Variants in FBXL2 observed in about 807,000 individuals in gnomAD.
FBXL2 encodes F-box/LRR-repeat protein 2.
In FBXL2, 38 loss-of-function variants were observed where a neutral mutation model predicts 69.2. The ratio of observed to expected loss-of-function variants is 0.55; its 90% CI spans 0.42 to 0.72. The LOEUF is 0.72. Among genes scored for constraint, FBXL2 ranks in the 30% least tolerant of loss-of-function variants. FBXL2 has a pLI of 0.00. For synonymous variants in FBXL2, 192 were observed against 201.3 expected (o/e 0.95, Z 0.39); for missense variants, 354 against 520.3 (o/e 0.68, Z 3.11).
intron 5 of FBXL2, among the ~76,000 whole-genome samples, 170 bp downstream of exon 5, chr3:33,364,889 G>A (rs1347833698): frequency 2.6e-5 from 4 of 152,148 alleles, no homozygotes; most frequent in Non-Finnish European, 5.9e-5. Flanking sequence ...GTTGGAAACC[G>A]AGCTGTACTG....
chr3:33,407,261 A>G (rs2044451407), downstream of FBXL2, among the ~76,000 whole-genome samples: 1 of 152,232 alleles, frequency 6.6e-6, no homozygotes, highest in Admixed American at 6.5e-5. Context: ...TTTAGACTTA[A>G]GAATCATTAA....
intron 2 of FBXL2, among the ~76,000 whole-genome samples, chr3:33,354,922 T>G (rs924326233): frequency 1.3e-5 from 2 of 152,212 alleles, no homozygotes; most frequent in Non-Finnish European, 2.9e-5. Flanking sequence ...CATTATATAC[T>G]GGCAGCAATT....
intron 1 of FBXL2, among the ~76,000 whole-genome samples, chr3:33,281,259 T>C (rs1231332940): frequency 1.3e-5 from 2 of 152,120 alleles, no homozygotes; most frequent in Non-Finnish European, 2.9e-5. Context: ...GTGTTCTCAT[T>C]GTTCAATTCC....
intron 13 of FBXL2, among the ~76,000 whole-genome samples, chr3:33,381,875 G>C (rs2043089425): frequency 6.6e-6 from 1 of 152,174 alleles, no homozygotes; most frequent in Non-Finnish European, 1.5e-5. Context: ...TTCGATTCAT[G>C]AGAAAGGAAA....
downstream of FBXL2, among the ~76,000 whole-genome samples, chr3:33,404,809 A>C (rs1157002756): frequency 6.6e-6 from 1 of 152,208 alleles, no homozygotes; most frequent in East Asian, 1.9e-4. Flanking sequence ...TGTCCCTGGG[A>C]TTTTTGACAG....
chr3:33,321,311 A>G (rs973032823), intron 2 of FBXL2, among the ~76,000 whole-genome samples: 1 of 150,084 alleles, frequency 6.7e-6, no homozygotes, highest in African/African-American at 2.4e-5. Context: ...CTCCATCTCA[A>G]AAAAAAAAAG....
chr3:33,388,718 G>GA (rs1279022653), downstream of FBXL2: 2 of 152,100 alleles, frequency 1.3e-5, no homozygotes, highest in Non-Finnish European at 2.9e-5. Flanking sequence ...AGTCAGAAAG[G>GA]AAAACTCTCT....
At chr3:33,342,540 C>T (rs1347143276) in intron 2 of FBXL2, among the ~76,000 whole-genome samples, 1 of 151,290 alleles carries the variant, frequency 6.6e-6, no homozygotes, top group African/African-American at 2.4e-5. Context: ...TTAAATACGG[C>T]CATTCTGAAC....
At chr3:33,337,231 C>T (rs775302823) in intron 2 of FBXL2, among the ~76,000 whole-genome samples, 2 of 151,694 alleles carry the variant, frequency 1.3e-5, no homozygotes, top group Non-Finnish European at 2.9e-5. Context: ...ACAAAAAAAC[C>T]TTAAGATAAT....
intron 2 of FBXL2, among the ~76,000 whole-genome samples, chr3:33,318,996 G>A (rs1377678354): frequency 6.6e-6 from 1 of 152,172 alleles, no homozygotes; most frequent in African/African-American, 2.4e-5. Context: ...TGAGCAGCTA[G>A]CAGTTTCTAA....
chr3:33,378,940 C>A, intron 13 of FBXL2, 199 bp downstream of exon 13: 1 of 1,022,746 alleles, frequency 9.8e-7, no homozygotes, highest in Non-Finnish European at 1.4e-6. Flanking sequence ...TTTTAAGATT[C>A]CCAAAAGAGA....
chr3:33,307,503 C>A (rs371565423), intron 2 of FBXL2, among the ~76,000 whole-genome samples: 2 of 151,896 alleles, frequency 1.3e-5, no homozygotes, highest in African/African-American at 4.8e-5. Flanking sequence ...ATTAATGGGA[C>A]AGTTGGCAGA....
intron 2 of FBXL2, among the ~76,000 whole-genome samples, chr3:33,329,979 G>T (rs2039023929): frequency 6.6e-6 from 1 of 151,168 alleles, no homozygotes; most frequent in African/African-American, 2.4e-5. Context: ...CCTGTTTTTT[G>T]TTTGTTTGTT....
At chr3:33,403,714 T>C (rs989756902), downstream of FBXL2, 1 of 152,220 alleles carries the variant, frequency 6.6e-6, no homozygotes, top group African/African-American at 2.4e-5. Flanking sequence ...GGAGATACAC[T>C]ATTACAATTA....
At chr3:33,331,328 GT>G (rs2039145426) in intron 2 of FBXL2, among the ~76,000 whole-genome samples, 1 of 152,000 alleles carries the variant, frequency 6.6e-6, no homozygotes, top group Non-Finnish European at 1.5e-5. Context: ...CCAGTTACAG[GT>G]ATCCTAAGAT....
At chr3:33,309,817 C>T (rs1331896142) in intron 2 of FBXL2, among the ~76,000 whole-genome samples, 1 of 152,136 alleles carries the variant, frequency 6.6e-6, no homozygotes, top group African/African-American at 2.4e-5. Context: ...ACAAGGCTTA[C>T]ATAAAACATC....
At chr3:33,363,341 C>T (rs995701916) in intron 4 of FBXL2, among the ~76,000 whole-genome samples, 28 of 152,268 alleles carry the variant, frequency 1.8e-4, no homozygotes, top group African/African-American at 6.5e-4. Context: ...GCACCTGGCC[C>T]CTGTGGTTTT....
At chr3:33,420,231 T>C in the FBXL2 span, among the ~76,000 whole-genome samples, 1 of 152,194 alleles carries the variant, frequency 6.6e-6, no homozygotes, top group East Asian at 1.9e-4. Flanking sequence ...TTGTGAAAAA[T>C]GAAACTAAGC....
At chr3:33,422,284 C>T in the FBXL2 span, among the ~76,000 whole-genome samples, 2 of 151,984 alleles carry the variant, frequency 1.3e-5, no homozygotes, top group East Asian at 3.9e-4. Flanking sequence ...TTAAGGACTA[C>T]ATCCCAGCTA....
Sources: allele counts gnomAD v4.1 joint callset (sites outside exome capture counted in the v4.1 genomes callset), GRCh38; gene constraint gnomAD v4.1.1; transcripts MANE v1.5; gene names NCBI Gene and HGNC (gene_info 2026-07-23, HGNC 2026-07-21).